BRMS1L: variants seen among roughly 807,000 people sequenced by gnomAD.
BRMS1L encodes BRMS1 like transcriptional repressor.
Under a neutral mutation model 50.3 loss-of-function variants are expected in BRMS1L, and 23 were observed. The ratio of observed to expected loss-of-function variants is 0.46; its 90% CI spans 0.33 to 0.65. The LOEUF is 0.65. Ranked by LOEUF, BRMS1L falls within the 30% of genes least tolerant of loss-of-function variation. BRMS1L has a pLI of 0.02. For missense variants in BRMS1L, 286 were observed against 386.1 expected (o/e 0.74, Z 2.17); for synonymous variants, 114 against 126.9 (o/e 0.90, Z 0.69).
At chr14:35,845,399 C>CT (rs1410867205) in intron 4 of BRMS1L, among the ~76,000 whole-genome samples, 1 of 152,118 alleles carries the variant, frequency 6.6e-6, no homozygotes, top group Non-Finnish European at 1.5e-5. Flanking sequence ...ATTTCCTCTT[C>CT]TTTTTTTCTC....
chr14:35,841,714 C>T (rs957659471), intron 4 of BRMS1L, among the ~76,000 whole-genome samples: 42 of 152,168 alleles, frequency 2.8e-4, no homozygotes, highest in Non-Finnish European at 1.5e-4. Flanking sequence ...GAGCTGAGTT[C>T]AAGTCCTGAA....
At chr14:35,846,734 G>T (rs2078139865) in intron 4 of BRMS1L, among the ~76,000 whole-genome samples, 1 of 152,208 alleles carries the variant, frequency 6.6e-6, no homozygotes, top group Non-Finnish European at 1.5e-5. Context: ...CTTGATTTAA[G>T]TGATGTCTTC....
At chr14:35,865,975 T>G in intron 8 of BRMS1L, 1 of 509,804 alleles carries the variant, frequency 2.0e-6, no homozygotes, top group Non-Finnish European at 3.4e-6. Context: ...TTCAGCTACA[T>G]TCTTATTGCT....
intron 1 of BRMS1L, chr14:35,830,027 C>A: frequency 5.6e-6 from 1 of 179,536 alleles, no homozygotes; most frequent in Non-Finnish European, 1.1e-5. Flanking sequence ...CCAGGAGAGC[C>A]TGTGGTAAAC....
Position 35,870,538 on chromosome 14 carries a change from G to T in BRMS1L, c.*61G>T. 1 of 1,019,286 alleles carries T rather than the reference G, an allele frequency of 9.8e-7. No individual in the cohort carries two copies. Among genetic ancestry groups the T allele is most frequent in the South Asian group, 1.5e-5 (1 of 68,522 alleles). The allele number at this position is 1,019,286 out of a possible 1,614,324, so 63.1% of individuals were successfully genotyped here. A position where few individuals can be genotyped will look rare whatever the true frequency, so the allele number is the denominator to read the frequency against. ...GTGTTACCAAATGTAAGTGCCATGAGAGTAAAAAAATGTATTCAATAACTT... is the reference window on the plus strand; with the variant it reads ...GTGTTACCAAATGTAAGTGCCATGATAGTAAAAAAATGTATTCAATAACTT... On this transcript the variant is annotated 3_prime_UTR_variant, in exon 10 of 10. Coordinates refer to ENST00000216807, the MANE Select transcript of BRMS1L (RefSeq NM_032352.4).
chr14:35,857,249 A>AT (rs1236133422), intron 4 of BRMS1L, among the ~76,000 whole-genome samples: 2,519 of 147,468 alleles, frequency 0.017, 47 homozygotes, highest in African/African-American at 0.044. Context: ...TCAAAAAAAA[A>AT]AATATATATA....
chr14:35,866,671 C>A (rs1179218697), intron 8 of BRMS1L, among the ~76,000 whole-genome samples: 2 of 152,174 alleles, frequency 1.3e-5, no homozygotes, highest in Non-Finnish European at 2.9e-5. Context: ...CACCACTACA[C>A]TGGGCAACAG....
At chr14:35,830,941 ATTT>A (rs762350767) in intron 1 of BRMS1L, among the ~76,000 whole-genome samples, 41 of 131,650 alleles carry the variant, frequency 3.1e-4, no homozygotes, top group Admixed American at 1.6e-3. Flanking sequence ...TCTATAGTGG[ATTT>A]TTTTTTTTTT....
chr14:35,848,206 A>G (rs899904464), intron 4 of BRMS1L, among the ~76,000 whole-genome samples: 1 of 152,186 alleles, frequency 6.6e-6, no homozygotes, highest in African/African-American at 2.4e-5. Flanking sequence ...ATGTTTTGAT[A>G]TATGTATATG....
chr14:35,826,397 G>T lies in BRMS1L; in HGVS notation c.-120G>T. On this transcript the variant is annotated 5_prime_UTR_variant, in exon 1 of 10. Coordinates refer to ENST00000216807, the MANE Select transcript of BRMS1L (RefSeq NM_032352.4). ...TGAGGCCCGGGCCGGGGGCGGGGAG[G>T]AGCCAAGGGGGCGAGCAAGCTCGGT... 1 of 1,443,870 alleles carries T rather than the reference G, an allele frequency of 6.9e-7. No homozygotes were observed. The highest frequency in any genetic ancestry group is 9.4e-7 in the Non-Finnish European group (1 of 1,067,712). The allele number at this position is 1,443,870 out of a possible 1,614,324, so 89.4% of individuals were successfully genotyped here.
At chr14:35,835,713 C>T (rs1216030663) in intron 4 of BRMS1L, among the ~76,000 whole-genome samples, 2 of 152,056 alleles carry the variant, frequency 1.3e-5, no homozygotes, top group South Asian at 2.1e-4. Flanking sequence ...GGCATGGTGG[C>T]AGGTGGCTGT....
chr14:35,830,519 G>A (rs2077905813), intron 1 of BRMS1L, among the ~76,000 whole-genome samples: 1 of 151,612 alleles, frequency 6.6e-6, no homozygotes, highest in South Asian at 2.1e-4. Flanking sequence ...CACTATGTCT[G>A]GCTAATTTTT....
chr14:35,855,613 A>C (rs1192093768), intron 4 of BRMS1L, among the ~76,000 whole-genome samples: 1 of 152,162 alleles, frequency 6.6e-6, no homozygotes, highest in Non-Finnish European at 1.5e-5. Flanking sequence ...AATTTCTTCT[A>C]TTAATAGTTT....
chr14:35,864,498 C>A (rs368992259), intron 6 of BRMS1L, among the ~76,000 whole-genome samples: 3 of 152,192 alleles, frequency 2.0e-5, no homozygotes, highest in African/African-American at 2.4e-5. Flanking sequence ...TGGGCTTAAG[C>A]CTGCATTGGC....
intron 4 of BRMS1L, among the ~76,000 whole-genome samples, chr14:35,844,157 T>C: frequency 6.6e-6 from 1 of 152,166 alleles, no homozygotes; most frequent in East Asian, 1.9e-4. Context: ...CAAGACCACT[T>C]GGCTCCATGG....
At chr14:35,856,479 G>T (rs965701755) in intron 4 of BRMS1L, among the ~76,000 whole-genome samples, 1 of 152,010 alleles carries the variant, frequency 6.6e-6, no homozygotes, top group African/African-American at 2.4e-5. Context: ...TCTTTTCGTT[G>T]TTTATTCACT....
chr14:35,861,229 T>TAA (rs2078347278), intron 4 of BRMS1L, among the ~76,000 whole-genome samples: 1 of 152,202 alleles, frequency 6.6e-6, no homozygotes, highest in African/African-American at 2.4e-5. Context: ...TAAAAAATAA[T>TAA]AAAGAATGAT....
At chr14:35,870,255 C>T (rs1263201987) in intron 9 of BRMS1L, 105 bp from the exon 10 acceptor site, 20 of 653,942 alleles carry the variant, frequency 3.1e-5, no homozygotes, top group Non-Finnish European at 4.6e-5. Context: ...ATACCTGAGT[C>T]TACTGTTGTA....
intron 8 of BRMS1L, chr14:35,865,991 T>G (rs776365992): frequency 2.8e-4 from 128 of 463,538 alleles, no homozygotes; most frequent in Middle Eastern, 2.6e-3. Context: ...TTGCTAATAA[T>G]GGATCAGTAA....
Sources: allele counts gnomAD v4.1 joint callset (sites outside exome capture counted in the v4.1 genomes callset), GRCh38; gene constraint gnomAD v4.1.1; transcripts MANE v1.5; gene names NCBI Gene and HGNC (gene_info 2026-07-23, HGNC 2026-07-21).